Variants in ITGB3 observed in about 807,000 individuals in gnomAD.
ITGB3 encodes the protein integrin subunit beta 3.
ITGB3 carries 48 observed loss-of-function variants against 85.8 expected under a neutral mutation model. The observed-to-expected ratio is 0.56, with a 90% CI of 0.44 to 0.71. The LOEUF is 0.71. ITGB3 is among the 30% of genes least tolerant of loss of function. The pLI is 0.00. For synonymous variants in ITGB3, 363 were observed against 395.6 expected (o/e 0.92, Z 0.98); for missense variants, 861 against 1,019.1 (o/e 0.84, Z 2.11).
intron 1 of ITGB3, among the ~76,000 whole-genome samples, chr17:47,269,898 A>G (rs542100857): frequency 6.6e-6 from 1 of 152,350 alleles, no homozygotes; most frequent in South Asian, 2.1e-4. Context: ...TTTATAAAAG[A>G]AAGAGGTTTA....
intron 11 of ITGB3, 138 bp from the exon 12 acceptor site, chr17:47,300,340 C>CGTGTGTGTGTGTGTGT (rs781123948): frequency 1.8e-5 from 9 of 508,252 alleles, no homozygotes; most frequent in African/African-American, 1.2e-4. Flanking sequence ...TACAGGCGCG[C>CGTGTGTGTGTGTGTGT]GCGCGCGTGT....
chr17:47,254,196 C>G (rs907138789), intron 1 of ITGB3, among the ~76,000 whole-genome samples: 7 of 152,110 alleles, frequency 4.6e-5, no homozygotes, highest in African/African-American at 1.7e-4. Flanking sequence ...TGAGCGCCTT[C>G]CCGGCCGCCG....
intron 6 of ITGB3, among the ~76,000 whole-genome samples, chr17:47,289,367 C>G (rs1468152402): frequency 6.6e-6 from 1 of 151,962 alleles, no homozygotes; most frequent in Admixed American, 6.6e-5. Context: ...GCTCTGCTGC[C>G]CAGGCTGGAG....
Position 47,289,774 on chromosome 17 carries a change from C to G in ITGB3, c.1033C>G (p.Gln345Glu), listed in dbSNP as rs1258885678. The G allele has an allele frequency of 1.2e-6, 2 of 1,611,274 alleles. No homozygotes were observed. The highest frequency in any genetic ancestry group is 1.7e-5 in the Admixed American group (1 of 60,012). Residue 345 changes from glutamine to glutamate, a missense_variant and splice_region_variant, in exon 7 of 15, where the codon CAG (glutamine) becomes GAG (glutamate). By Grantham distance (29) the Gln-to-Glu change is conservative. Transcript: ENST00000559488. ...AVTENVVNLYQNYSELIPGTT... is the reference protein window; with the variant it reads ...AVTENVVNLYENYSELIPGTT... ...GACTGAAAATGTAGTCAATCTCTAT[C>G]AGGTGACTGTGCCTTCGGGCTTCCT...
intron 8 of ITGB3, 56 bp from the exon 9 acceptor site, chr17:47,290,898 A>G: frequency 6.2e-7 from 1 of 1,608,268 alleles, no homozygotes; most frequent in Non-Finnish European, 8.5e-7. Flanking sequence ...GGCTCTTGCC[A>G]TTTCCCGTTT....
At chr17:47,257,915 G>A (rs1164909689) in intron 1 of ITGB3, among the ~76,000 whole-genome samples, 2 of 152,190 alleles carry the variant, frequency 1.3e-5, no homozygotes, top group African/African-American at 4.8e-5. Flanking sequence ...ACACCACAGT[G>A]AGGAGGGGGA....
Position 47,281,412 on chromosome 17 carries a change from G to A in ITGB3, c.166-1942G>A, listed in dbSNP as rs539120537. On this transcript the variant is annotated intron_variant, in intron 2 of 14. Coordinates refer to ENST00000559488, the MANE Select transcript of ITGB3 (RefSeq NM_000212.3). The stretch of plus-strand genomic sequence containing the variant: ...TTGGCTAAATTGGCTGAATGTCAGA[G>A]CCGGAAGGGACTGAAAACACTGTGT... 3.3e-5 allele frequency among the ~76,000 whole-genome samples: 5 copies of A among 152,348 alleles called. No homozygotes were observed. The South Asian group carries it at 1.0e-3, about 32-fold the overall frequency.
chr17:47,262,518 C>T (rs1046599629), intron 1 of ITGB3, among the ~76,000 whole-genome samples: 3 of 152,134 alleles, frequency 2.0e-5, no homozygotes, highest in African/African-American at 2.4e-5. Context: ...TATGAGTCCC[C>T]CTGTTGATGT....
At chr17:47,261,572 T>C (rs900166347) in intron 1 of ITGB3, among the ~76,000 whole-genome samples, 3 of 148,288 alleles carry the variant, frequency 2.0e-5, no homozygotes, top group African/African-American at 7.5e-5. Context: ...CAGGCTGGAG[T>C]GCAGTTGTGT....
Position 47,292,143 on chromosome 17 carries a change from G to A in ITGB3, c.1265G>A (p.Ser422Asn), listed in dbSNP as rs372644002. 3.7e-6 allele frequency: 6 copies of A among 1,614,126 alleles called. No individual in the cohort carries two copies. Among genetic ancestry groups the A allele is most frequent in the Non-Finnish European group, 5.1e-6 (6 of 1,180,004 alleles). Residue 422 changes from serine (S) to asparagine (N), a missense_variant, in exon 10 of 15, where the codon AGC becomes AAC. Physicochemically the swap from Ser to Asn is conservative, Grantham distance 46. Coordinates refer to ENST00000559488, the MANE Select transcript of ITGB3 (RefSeq NM_000212.3). ...CMGLKIGDTV[S>N]FSIEAKVRGC... ...ACAATCTTTCTTTCCATCCAGGTGA[G>A]CTTCAGCATTGAGGCCAAGGTGCGA...
intron 1 of ITGB3, 94 bp downstream of exon 1, chr17:47,254,034 G>T: frequency 1.2e-6 from 1 of 805,520 alleles, no homozygotes; most frequent in Non-Finnish European, 1.7e-6. Context: ...GCGGAGGGCT[G>T]GTCCCGCGCG....
intron 9 of ITGB3, among the ~76,000 whole-genome samples, chr17:47,291,678 A>G (rs905315692): frequency 6.6e-6 from 1 of 152,242 alleles, no homozygotes; most frequent in Admixed American, 6.5e-5. Flanking sequence ...GTCCTGAAAC[A>G]TGCTTTATTG....
intron 5 of ITGB3, 92 bp downstream of exon 5, chr17:47,286,514 A>G: frequency 1.3e-6 from 2 of 1,491,530 alleles, no homozygotes; most frequent in South Asian, 1.1e-5. Context: ...CTGGTGTAAA[A>G]TGAGATGAGA....
intron 4 of ITGB3, 28 bp from the exon 5 acceptor site, chr17:47,286,232 G>A: frequency 6.2e-7 from 1 of 1,613,662 alleles, no homozygotes; most frequent in Non-Finnish European, 8.5e-7. Context: ...GAAGGTGTCT[G>A]CTTAAATTAT....
At chr17:47,288,238 GAGAA>G (rs1360752808) in intron 6 of ITGB3, among the ~76,000 whole-genome samples, 1,014 of 79,412 alleles carry the variant, frequency 0.013, 16 homozygotes, top group African/African-American at 0.039. Context: ...GAGAGAGAGA[GAGAA>G]AGAGGGGAAA....
chr17:47,292,229 C>T lies in ITGB3; in HGVS notation c.1351C>T (p.Leu451=). Residue 451 remains leucine, a synonymous_variant, in exon 10 of 15, where the codon CTG becomes TTG. Coordinates refer to ENST00000559488, the MANE Select transcript of ITGB3 (RefSeq NM_000212.3). ...TIKPVGFKDS[L]IVQVTFDCDC... Reference sequence around the variant, plus strand: ...AAAGCCCGTGGGCTTCAAGGACAGCCTGATCGTCCAGGTCACCTTTGATTG... The same window carrying T: ...AAAGCCCGTGGGCTTCAAGGACAGCTTGATCGTCCAGGTCACCTTTGATTG... 3.1e-6 allele frequency: 5 copies of T among 1,614,188 alleles called. No individual in the cohort carries two copies. The highest frequency in any genetic ancestry group is 3.4e-6 in the Non-Finnish European group (4 of 1,180,018).
Position 47,292,286 on chromosome 17 carries a change from A to G in ITGB3, c.1408A>G (p.Asn470Asp). ...TGCCTGCCAGGCCCAAGCTGAACCTAATAGCCATCGCTGCAACAATGGCAA... is the reference window on the plus strand; with the variant it reads ...TGCCTGCCAGGCCCAAGCTGAACCTGATAGCCATCGCTGCAACAATGGCAA... ...DCACQAQAEP[N>D]SHRCNNGNGT... is the part of the protein sequence containing the mutation. The change falls in exon 10 of 15, where the codon AAT becomes GAT. Residue 470 changes from asparagine to aspartate, a missense_variant. Physicochemically the swap from Asn to Asp is conservative, Grantham distance 23. Transcript: ENST00000559488. 1 of 1,614,216 alleles carries G rather than the reference A, an allele frequency of 6.2e-7. No individual in the cohort carries two copies. Among genetic ancestry groups the G allele is most frequent in the Non-Finnish European group, 8.5e-7 (1 of 1,180,030 alleles).
At chr17:47,276,304 G>A (rs948117497) in intron 2 of ITGB3, among the ~76,000 whole-genome samples, 2 of 152,198 alleles carry the variant, frequency 1.3e-5, no homozygotes, top group African/African-American at 4.8e-5. Context: ...TAGCCATGCA[G>A]CTGAGGTGGG....
intron 1 of ITGB3, among the ~76,000 whole-genome samples, chr17:47,268,442 A>G (rs1486897541): frequency 2.6e-5 from 4 of 152,254 alleles, no homozygotes; most frequent in Non-Finnish European, 4.4e-5. Context: ...CTTCCTAGAT[A>G]CAACGGGAGT....
Sources: gnomAD v4.1 joint callset for allele counts (sites outside exome capture counted in the v4.1 genomes callset) on GRCh38, gnomAD v4.1.1 for gene constraint, MANE v1.5 for transcripts, NCBI Gene and HGNC (gene_info 2026-07-23, HGNC 2026-07-21) for gene names.